GPC3: variants seen among roughly 807,000 people sequenced by gnomAD.
GPC3 encodes glypican 3.
In GPC3, 3 loss-of-function variants were observed where a neutral mutation model predicts 34.4. That is an observed-to-expected ratio of 0.09 (90% CI 0.04 to 0.23). The LOEUF (loss-of-function observed/expected upper bound fraction) is 0.23. Ranked by LOEUF, GPC3 falls within the 10% of genes least tolerant of loss-of-function variation. The probability of loss-of-function intolerance (pLI) is 1.00; values close to 1 mark genes in which losing one functional copy is unlikely to be tolerated. For synonymous variants in GPC3, 177 were observed against 174.0 expected (o/e 1.02, Z -0.13); for missense variants, 351 against 445.6 (o/e 0.79, Z 1.91).
chrX:133,753,470 A>T lies in GPC3; in HGVS notation c.1032+12T>A, dbSNP rs1472080540. On this transcript the variant is annotated intron_variant, in intron 3 of 7. Coordinates refer to ENST00000370818, the MANE Select transcript of GPC3 (RefSeq NM_004484.4). ...GGCCCAAATCCTCTGACAACTGTAG[A>T]CTGGTACTCACAGTGGTGGTCAGCT... 8.5e-7 allele frequency: 1 copy of T among 1,176,241 alleles called. No homozygotes were observed. The highest frequency in any genetic ancestry group is 1.8e-5 in the African/African-American group (1 of 56,361).
intron 7 of GPC3, among the ~76,000 whole-genome samples, chrX:133,548,247 A>G (rs1050469310): frequency 5.4e-5 from 6 of 111,425 alleles, no homozygotes; most frequent in African/African-American, 2.0e-4. Context: ...GCCAAATCCA[A>G]TTGCTGGTGA....
intron 2 of GPC3, among the ~76,000 whole-genome samples, chrX:133,820,777 G>A (rs7064240): frequency 0.011 from 1,219 of 111,824 alleles, 14 homozygotes; most frequent in African/African-American, 0.038. Flanking sequence ...AGCAGCAAAA[G>A]AGTAATCATG....
At chrX:133,739,612 G>C (rs1374950643) in intron 3 of GPC3, among the ~76,000 whole-genome samples, 1 of 111,159 alleles carries the variant, frequency 9.0e-6, no homozygotes, top group Non-Finnish European at 1.9e-5. Flanking sequence ...TTGGGAGGCT[G>C]AGGTGGGAGG....
chrX:133,953,309 T>C (rs1031380186), intron 1 of GPC3, 98 bp from the exon 2 acceptor site: 72 of 650,904 alleles, frequency 1.1e-4, no homozygotes, highest in Non-Finnish European at 1.6e-4. Flanking sequence ...CACTCACACA[T>C]GGCAAACAGG....
At chrX:133,649,961 A>C (rs1447709437) in intron 6 of GPC3, among the ~76,000 whole-genome samples, 1 of 111,719 alleles carries the variant, frequency 9.0e-6, no homozygotes, top group Non-Finnish European at 1.9e-5. Flanking sequence ...GGGCCTAGGC[A>C]GTGTCACTTG....
At chrX:133,910,491 A>G (rs1162399588) in intron 2 of GPC3, among the ~76,000 whole-genome samples, 1 of 111,941 alleles carries the variant, frequency 8.9e-6, no homozygotes. Flanking sequence ...TCTACTTCCT[A>G]ATCTGAGCTT....
intron 7 of GPC3, among the ~76,000 whole-genome samples, chrX:133,579,600 G>A (rs765185097): frequency 8.9e-6 from 1 of 112,151 alleles, no homozygotes; most frequent in African/African-American, 3.2e-5. Context: ...CTGGAGTGCA[G>A]TGGCACAATC....
At chrX:133,646,686 G>A (rs1350961700) in intron 6 of GPC3, among the ~76,000 whole-genome samples, 1 of 112,100 alleles carries the variant, frequency 8.9e-6, no homozygotes, top group East Asian at 2.8e-4. Flanking sequence ...CTATTACTCA[G>A]GCTTTGACAG....
intron 2 of GPC3, among the ~76,000 whole-genome samples, chrX:133,853,701 A>C (rs866086585): frequency 1.1e-4 from 12 of 112,562 alleles, no homozygotes; most frequent in African/African-American, 2.9e-4. Flanking sequence ...GGCAAAAATG[A>C]AAACAAATAA....
chrX:133,753,763 C>T lies in GPC3; in HGVS notation c.751G>A (p.Asp251Asn). 1 of 1,211,758 alleles carries T rather than the reference C, an allele frequency of 8.3e-7. No homozygotes were observed. Among genetic ancestry groups the T allele is most frequent in the Non-Finnish European group, 1.1e-6 (1 of 895,385 alleles). ...NTTDHLKFSK[D>N]CGRMLTRMWY... ...ATTCTGGTGAGCATTCGGCCACAGT[C>T]CTTACTGAACTTCAGGTGATCAGTT... The change falls in exon 3 of 8, where the codon GAC becomes AAC. Residue 251 changes from aspartate (D) to asparagine (N), a missense_variant. Coordinates refer to ENST00000370818, the MANE Select transcript of GPC3 (RefSeq NM_004484.4).
chrX:133,685,246 C>T (rs942724385), intron 5 of GPC3, among the ~76,000 whole-genome samples: 3 of 111,527 alleles, frequency 2.7e-5, no homozygotes, highest in Non-Finnish European at 3.8e-5. Context: ...CTATTTCGGT[C>T]ATTTAATTGT....
intron 2 of GPC3, among the ~76,000 whole-genome samples, chrX:133,817,901 T>C (rs2075700322): frequency 9.0e-6 from 1 of 110,856 alleles, no homozygotes; most frequent in Non-Finnish European, 1.9e-5. Flanking sequence ...TTTTTCCCCA[T>C]TGGAAATTAT....
intron 7 of GPC3, among the ~76,000 whole-genome samples, chrX:133,570,040 G>A (rs1345934265): frequency 1.9e-5 from 2 of 105,508 alleles, no homozygotes; most frequent in Non-Finnish European, 3.9e-5. Flanking sequence ...TACAGGCACC[G>A]ACCACCATGC....
At chrX:133,667,965 G>A (rs886384892) in intron 5 of GPC3, among the ~76,000 whole-genome samples, 8 of 105,894 alleles carry the variant, frequency 7.6e-5, no homozygotes, top group African/African-American at 2.4e-4. Context: ...GCAATGGTGC[G>A]ATCTCGGCTC....
At chrX:133,825,391 C>T (rs2075741474) in intron 2 of GPC3, among the ~76,000 whole-genome samples, 1 of 111,960 alleles carries the variant, frequency 8.9e-6, no homozygotes, top group Admixed American at 9.4e-5. Flanking sequence ...GGAGCTCTCA[C>T]AAAGTGTCAT....
intron 6 of GPC3, among the ~76,000 whole-genome samples, chrX:133,649,266 A>G (rs2070573328): frequency 1.0e-5 from 1 of 99,510 alleles, no homozygotes; most frequent in African/African-American, 3.6e-5. Context: ...GGATATATAT[A>G]TATGTGTGTG....
In GPC3 at chrX:133,781,792, G is replaced by C. The variant is rs759916842; in HGVS notation, c.338-27616C>G. Among the ~76,000 whole-genome samples the C allele has an allele frequency of 2.0e-4, 22 of 111,473 alleles. 1 individual carries two copies. The highest frequency in any genetic ancestry group is 4.6e-3 in the Middle Eastern group (1 of 219). On this transcript the variant is annotated intron_variant, in intron 2 of 7. Coordinates refer to ENST00000370818, the MANE Select transcript of GPC3 (RefSeq NM_004484.4). Reference sequence around the variant, plus strand: ...TTTAGCCTCAACTCCTGTGTTCAGTGAGTGCCCGCTCTGTGCCAGACATGG... The same window carrying C: ...TTTAGCCTCAACTCCTGTGTTCAGTCAGTGCCCGCTCTGTGCCAGACATGG...
At chrX:133,744,691 T>C (rs1668910473) in intron 3 of GPC3, among the ~76,000 whole-genome samples, 1 of 112,432 alleles carries the variant, frequency 8.9e-6, no homozygotes, top group East Asian at 2.8e-4. Context: ...TAAATCATTA[T>C]ACTATAAAGA....
intron 7 of GPC3, among the ~76,000 whole-genome samples, chrX:133,563,820 A>G (rs749331795): frequency 8.9e-6 from 1 of 112,226 alleles, no homozygotes; most frequent in East Asian, 2.8e-4. Flanking sequence ...TTATTTAACC[A>G]AGCTAAGCCC....
Sources: allele counts gnomAD v4.1 joint callset (sites outside exome capture counted in the v4.1 genomes callset), GRCh38; gene constraint gnomAD v4.1.1; transcripts MANE v1.5; gene names NCBI Gene and HGNC (gene_info 2026-07-23, HGNC 2026-07-21).